USP8: variants seen among roughly 807,000 people sequenced by gnomAD.
The protein encoded by USP8 is ubiquitin specific peptidase 8.
In USP8, 27 loss-of-function variants were observed where a neutral mutation model predicts 130.0. The ratio of observed to expected loss-of-function variants is 0.21; its 90% CI spans 0.15 to 0.29. USP8 has a LOEUF of 0.29. Among genes scored for constraint, USP8 ranks in the 10% least tolerant of loss-of-function variants. The pLI is 1.00. For synonymous variants in USP8, 392 were observed against 444.1 expected, an observed-to-expected ratio of 0.88 and a Z score of 1.48; for missense variants, 1,029 against 1,312.2, an observed-to-expected ratio of 0.78 and a Z score of 3.33.
Position 50,496,965 on chromosome 15 carries a change from AAC to A in USP8, c.2896-123_2896-122del, listed in dbSNP as rs2052438769. The A allele has an allele frequency of 4.0e-6, 5 of 1,248,168 alleles. No individual in the cohort carries two copies. In the South Asian group the frequency reaches 6.1e-5, roughly 15 times the overall value. The allele number at this position is 1,248,168 out of a possible 1,614,324, so 77.3% of individuals were successfully genotyped here. ...AGATCACAAGCTTTGGGAAGGCAGG[AAC>A]TCTTTTGTGTAGATTGCTGTTGAAT... On this transcript the variant is annotated intron_variant, in intron 17 of 19. Coordinates refer to ENST00000307179, the MANE Select transcript of USP8 (RefSeq NM_005154.5).
In USP8 at chr15:50,439,206, G is replaced by T. The variant is rs755965368; in HGVS notation, c.104+29G>T. On this transcript the variant is annotated intron_variant, in intron 2 of 19. Coordinates refer to ENST00000307179, the MANE Select transcript of USP8 (RefSeq NM_005154.5). ...TGATGTATCCTTCGCTAGTTTGATT[G>T]AATCAAATATTAATTTTTAGTTCGT... 5.4e-6 allele frequency: 7 copies of T among 1,303,990 alleles called. 1 individual carries two copies. In the South Asian group the frequency reaches 1.2e-4, roughly 22 times the overall value. The allele number at this position is 1,303,990 out of a possible 1,614,324, so 80.8% of individuals were successfully genotyped here.
At position 50,490,372 on chromosome 15, in the gene USP8, C is replaced by T. The variant is rs1446943428; in HGVS notation, c.2081C>T (p.Pro694Leu). Residue 694 changes from proline (P) to leucine (L), a missense_variant, in exon 14 of 20, where the codon CCA becomes CTA. Pro to Leu is a moderately conservative substitution (Grantham distance 98). Around this residue, in one of 4 missense-constraint regions of USP8, gnomAD observed 486 missense variants for 522.0 expected, o/e 0.93. Transcript: ENST00000307179. ...TCATCTGCACCTCCTTCCACCCCTCCAACTCATAAAGCCAAGCCACAGATT... is the reference window on the plus strand; with the variant it reads ...TCATCTGCACCTCCTTCCACCCCTCTAACTCATAAAGCCAAGCCACAGATT... The part of the protein sequence containing the change: ...APSSAPPSTP[P>L]THKAKPQIPA... 1.2e-6 allele frequency: 2 copies of T among 1,614,032 alleles called. No homozygotes were observed. The highest frequency in any genetic ancestry group is 1.7e-6 in the Non-Finnish European group (2 of 1,180,018).
intron 14 of USP8, among the ~76,000 whole-genome samples, chr15:50,491,611 T>C (rs2052171692): frequency 6.6e-6 from 1 of 152,208 alleles, no homozygotes; most frequent in Non-Finnish European, 1.5e-5. Context: ...TAATCTGTTC[T>C]CAGTATTACT....
rs886327862 is a variant in USP8, at chr15:50,456,792, A to G, written c.336-2208A>G. 5.9e-5 allele frequency among the ~76,000 whole-genome samples: 9 copies of G among 152,342 alleles called. No homozygotes were observed. The South Asian group carries it at 1.9e-3, about 32-fold the overall frequency. On this transcript the variant is annotated intron_variant, in intron 4 of 19. Coordinates refer to ENST00000307179, the MANE Select transcript of USP8 (RefSeq NM_005154.5). ...TCCCAGCTACTCGGGAGGCTGAGGC[A>G]GGAGAATTGCTTGAACCTGGAAGGT... is the stretch of plus-strand genomic sequence containing the variant.
In USP8 at chr15:50,513,520, A is replaced by T. The variant is rs867895379; in HGVS notation, c.*14432A>T. On this transcript the variant is annotated 3_prime_UTR_variant, in exon 20 of 20. Transcript: ENST00000307179. ...TTCGAGACAAGAGCGAAACTGTCTA[A>T]AAAAAAAAAAAAAAAAAAGAGTGAA... 3.4e-5 allele frequency: 3 copies of T among 89,208 alleles called. No homozygotes were observed. The highest frequency in any genetic ancestry group is 1.2e-4 in the African/African-American group (3 of 24,126). The allele number at this position is 89,208 out of a possible 1,614,324, so 5.5% of individuals were successfully genotyped here.
At chr15:50,439,980 G>C (rs34623184) in intron 2 of USP8, among the ~76,000 whole-genome samples, 1 of 152,036 alleles carries the variant, frequency 6.6e-6, no homozygotes, top group Non-Finnish European at 1.5e-5. Flanking sequence ...CCCAGCTAGT[G>C]GGGGGCTGAG....
intron 1 of USP8, 196 bp downstream of exon 1, chr15:50,424,710 C>T (rs55916227): frequency 0.033 from 12,845 of 390,100 alleles, 313 homozygotes; most frequent in Non-Finnish European, 0.043. Flanking sequence ...ACGCCATCTA[C>T]CTAGGATTGC....
intron 7 of USP8, among the ~76,000 whole-genome samples, chr15:50,470,023 G>C (rs12440152): frequency 0.14 from 20,792 of 152,046 alleles, 1,941 homozygotes; most frequent in Middle Eastern, 0.28. Flanking sequence ...ATTAGAGACA[G>C]GGTTTCGCCA....
intron 5 of USP8, 52 bp from the exon 6 acceptor site, chr15:50,462,228 G>A: frequency 1.3e-6 from 2 of 1,524,052 alleles, no homozygotes; most frequent in South Asian, 1.2e-5. Flanking sequence ...TATTAAAGTT[G>A]AATTTTTTGT....
chr15:50,442,280 C>G (rs1477658638), intron 3 of USP8, among the ~76,000 whole-genome samples: 1 of 152,000 alleles, frequency 6.6e-6, no homozygotes, highest in East Asian at 1.9e-4. Context: ...AGCCCACTCA[C>G]CAAATCTTTA....
intron 2 of USP8, among the ~76,000 whole-genome samples, chr15:50,440,854 T>C (rs1399210866): frequency 6.6e-6 from 1 of 151,968 alleles, no homozygotes; most frequent in African/African-American, 2.4e-5. Context: ...ACTAAAAAAT[T>C]AGCCAGGCAT....
intron 1 of USP8, among the ~76,000 whole-genome samples, chr15:50,433,587 C>G (rs2141247880): frequency 1.3e-5 from 2 of 152,236 alleles, no homozygotes; most frequent in Middle Eastern, 6.8e-3. Context: ...AGAAGGATGT[C>G]AGAGAAAGAA....
Position 50,462,334 on chromosome 15 carries a change from C to A in USP8, c.541+12C>A. ...GACCAAAGAGAAAGGTAAGTGTGTA[C>A]AGAAGGAGGAAGTTGTTTTAGGTTC... On this transcript the variant is annotated intron_variant, in intron 6 of 19. Coordinates refer to ENST00000307179, the MANE Select transcript of USP8 (RefSeq NM_005154.5). The A allele has an allele frequency of 6.3e-7, 1 of 1,593,198 alleles. No individual in the cohort carries two copies. The highest frequency in any genetic ancestry group is 2.3e-5 in the East Asian group (1 of 44,122).
chr15:50,437,376 C>T (rs923037797), intron 1 of USP8, among the ~76,000 whole-genome samples: 1 of 152,090 alleles, frequency 6.6e-6, no homozygotes, highest in Non-Finnish European at 1.5e-5. Flanking sequence ...TCATTTATAT[C>T]TTTAAGCAAT....
chr15:50,500,844 G>T lies in USP8; in HGVS notation c.*1756G>T. Reference sequence around the variant, plus strand: ...CCAAATCACCAAAATGGTTCTATGGGAGAAAGGAATGTCAAACTTAGTATT... The same window carrying T: ...CCAAATCACCAAAATGGTTCTATGGTAGAAAGGAATGTCAAACTTAGTATT... On this transcript the variant is annotated 3_prime_UTR_variant, in exon 20 of 20. Coordinates refer to ENST00000307179, the MANE Select transcript of USP8 (RefSeq NM_005154.5). 1 of 1,573,642 alleles carries T rather than the reference G, an allele frequency of 6.4e-7. No individual in the cohort carries two copies. The highest frequency in any genetic ancestry group is 1.2e-5 in the South Asian group (1 of 85,494).
rs1186394415 is a variant in USP8 at position 50,438,444 on chromosome 15, G to A, written c.-65-565G>A. 2.6e-5 allele frequency among the ~76,000 whole-genome samples: 4 copies of A among 152,212 alleles called. No homozygotes were observed. In the East Asian group the frequency reaches 7.7e-4, roughly 29 times the overall value. On this transcript the variant is annotated intron_variant, in intron 1 of 19. Transcript: ENST00000307179. ...ACTGAAAACACAAAAACTAGCTGGG[G>A]GCATGGTGGCGAACGCCTGGAATTC... is the stretch of plus-strand genomic sequence containing the variant.
chr15:50,463,706 G>T (rs542769546), intron 6 of USP8, among the ~76,000 whole-genome samples: 1 of 152,216 alleles, frequency 6.6e-6, no homozygotes, highest in South Asian at 2.1e-4. Flanking sequence ...ACACTTGATG[G>T]CTAGAGATGG....
At position 50,489,806 on chromosome 15, in the gene USP8, A is replaced by G. The variant is rs754311670; in HGVS notation, c.1896A>G (p.Gln632=). 18 of 1,527,926 alleles carry G rather than the reference A, an allele frequency of 1.2e-5. 1 individual carries two copies. The Admixed American group carries it at 2.1e-4, about 18-fold the overall frequency. 94.6% of individuals were successfully genotyped at this position (1,527,926 alleles called of 1,614,324 possible). ...DTDDTERNKA[Q]REPLTRARSE... ...TTTTATTTTATTTTAATTAGGCTCA[A>G]CGAGAACCTTTGACAAGAGCACGAA... Residue 632 remains glutamine (Q), a synonymous_variant, in exon 13 of 20, where the codon CAA becomes CAG. Transcript: ENST00000307179.
At chr15:50,448,729 G>A (rs1392657839) in intron 3 of USP8, among the ~76,000 whole-genome samples, 1 of 151,772 alleles carries the variant, frequency 6.6e-6, no homozygotes, top group African/African-American at 2.4e-5. Flanking sequence ...CATGTTGGCC[G>A]GGCTGGTCTT....
Sources: gnomAD v4.1 joint callset for allele counts (sites outside exome capture counted in the v4.1 genomes callset) on GRCh38, gnomAD v4.1.1 for gene constraint, gnomAD v4.1.1 regional missense constraint, MANE v1.5 for transcripts, NCBI Gene and HGNC (gene_info 2026-07-23, HGNC 2026-07-21) for gene names.